Variants in AHCYL2 observed in about 807,000 individuals in gnomAD.
The protein encoded by AHCYL2 is S-adenosylhomocysteine hydrolase-like protein 2.
A neutral mutation model predicts 81.4 loss-of-function variants in AHCYL2; 28 were observed. The ratio of observed to expected loss-of-function variants is 0.34; its 90% CI spans 0.25 to 0.47. AHCYL2 has a LOEUF of 0.47. AHCYL2 is among the 20% of genes least tolerant of loss of function. The probability of loss-of-function intolerance (pLI) is 1.00; values close to 1 mark genes in which losing one functional copy is unlikely to be tolerated. For missense variants in AHCYL2, 551 were observed against 785.1 expected, an observed-to-expected ratio of 0.70 and a Z score of 3.56; for synonymous variants, 272 against 290.2, an observed-to-expected ratio of 0.94 and a Z score of 0.64.
chr7:129,289,789 C>CTT (rs550826156), intron 1 of AHCYL2, among the ~76,000 whole-genome samples: 109 of 145,802 alleles, frequency 7.5e-4, no homozygotes, highest in African/African-American at 2.5e-3. Context: ...TTCTTTCTTT[C>CTT]TTTTTTTTTT....
chr7:129,383,741 TGTTATTTTGAAACAC>T (rs1584860110), intron 2 of AHCYL2, among the ~76,000 whole-genome samples: 1 of 152,148 alleles, frequency 6.6e-6, no homozygotes, highest in Non-Finnish European at 1.5e-5. Flanking sequence ...AGCCTCCTAC[TGTTATTTTGAAACAC>T]GCCATGCACT....
intron 1 of AHCYL2, among the ~76,000 whole-genome samples, chr7:129,249,312 T>A (rs1295364228): frequency 6.6e-6 from 1 of 152,204 alleles, no homozygotes; most frequent in African/African-American, 2.4e-5. Flanking sequence ...TTAACCATTT[T>A]AAAGTGTACA....
At chr7:129,354,512 A>T (rs1182602378) in intron 1 of AHCYL2, among the ~76,000 whole-genome samples, 4 of 152,156 alleles carry the variant, frequency 2.6e-5, no homozygotes, top group African/African-American at 2.4e-5. Context: ...TGACCTGTGT[A>T]TCTGGGTTGT....
chr7:129,290,936 A>G (rs1796828415), intron 1 of AHCYL2, among the ~76,000 whole-genome samples: 1 of 151,968 alleles, frequency 6.6e-6, no homozygotes, highest in African/African-American at 2.4e-5. Flanking sequence ...TCTCAAAAAA[A>G]AAAAACAAAA....
chr7:129,307,677 C>G (rs1393322559), intron 1 of AHCYL2, among the ~76,000 whole-genome samples: 1 of 151,774 alleles, frequency 6.6e-6, no homozygotes, highest in Non-Finnish European at 1.5e-5. Context: ...CAGAAGGATT[C>G]TCTCCTCATA....
intron 1 of AHCYL2, among the ~76,000 whole-genome samples, chr7:129,322,147 TTTTGTTTG>T (rs760912107): frequency 6.6e-6 from 1 of 151,406 alleles, no homozygotes; most frequent in Non-Finnish European, 1.5e-5. Flanking sequence ...AGGTAAGGTT[TTTTGTTTG>T]TTTGTTTGTT....
chr7:129,255,461 A>C (rs973086100), intron 1 of AHCYL2, among the ~76,000 whole-genome samples: 4 of 152,232 alleles, frequency 2.6e-5, no homozygotes, highest in Non-Finnish European at 4.4e-5. Context: ...ACATTTCAAG[A>C]GTTCAACAGT....
intron 1 of AHCYL2, among the ~76,000 whole-genome samples, chr7:129,252,558 G>A (rs1795279248): frequency 6.6e-6 from 1 of 152,136 alleles, no homozygotes; most frequent in South Asian, 2.1e-4. Flanking sequence ...CTTGAGCACA[G>A]GAGTTTGAGA....
chr7:129,314,400 T>C (rs1428278215), intron 1 of AHCYL2, among the ~76,000 whole-genome samples: 1 of 152,236 alleles, frequency 6.6e-6, no homozygotes, highest in Admixed American at 6.5e-5. Flanking sequence ...GCCTAGCACA[T>C]TGTCTTAGCC....
intron 1 of AHCYL2, among the ~76,000 whole-genome samples, chr7:129,341,985 A>G (rs1793201748): frequency 6.6e-6 from 1 of 152,220 alleles, no homozygotes; most frequent in Admixed American, 6.5e-5. Context: ...ACCACTCAGA[A>G]GAATGGTTTA....
intron 1 of AHCYL2, among the ~76,000 whole-genome samples, chr7:129,310,535 A>G (rs1046122785): frequency 6.6e-5 from 10 of 152,294 alleles, no homozygotes; most frequent in African/African-American, 2.4e-4. Flanking sequence ...TCCAAAAAGA[A>G]GAGAGTTTTT....
chr7:129,412,626 A>G (rs947782253), intron 11 of AHCYL2, among the ~76,000 whole-genome samples: 1 of 152,094 alleles, frequency 6.6e-6, no homozygotes, highest in African/African-American at 2.4e-5. Context: ...TTTACAATCC[A>G]TCAACAATAC....
At chr7:129,290,758 A>G (rs990823953) in intron 1 of AHCYL2, among the ~76,000 whole-genome samples, 2 of 151,666 alleles carry the variant, frequency 1.3e-5, no homozygotes, top group Admixed American at 6.6e-5. Flanking sequence ...GTGAAACCCC[A>G]TCTCTACTAA....
intron 1 of AHCYL2, among the ~76,000 whole-genome samples, chr7:129,294,773 T>G (rs2150754817): frequency 6.6e-6 from 1 of 152,328 alleles, no homozygotes; most frequent in South Asian, 2.1e-4. Flanking sequence ...AGAAAAATCC[T>G]GGGACTATAA....
chr7:129,260,091 A>G (rs1348143061), intron 1 of AHCYL2, among the ~76,000 whole-genome samples: 2 of 151,856 alleles, frequency 1.3e-5, no homozygotes, highest in African/African-American at 2.4e-5. Context: ...AAAAAAAAAA[A>G]AAGCTGATAT....
intron 11 of AHCYL2, among the ~76,000 whole-genome samples, chr7:129,411,385 C>G (rs963559502): frequency 6.6e-6 from 1 of 152,136 alleles, no homozygotes; most frequent in African/African-American, 2.4e-5. Context: ...CACCATTTCC[C>G]TATTCTGGAC....
At chr7:129,321,189 A>G (rs187932726) in intron 1 of AHCYL2, among the ~76,000 whole-genome samples, 110 of 151,928 alleles carry the variant, frequency 7.2e-4, no homozygotes, top group African/African-American at 2.5e-3. Context: ...TATTGCACTG[A>G]TTAGAACTTG....
At chr7:129,230,442 C>A (rs1297572155) in intron 1 of AHCYL2, among the ~76,000 whole-genome samples, 1 of 152,084 alleles carries the variant, frequency 6.6e-6, no homozygotes, top group Non-Finnish European at 1.5e-5. Flanking sequence ...ATTGAAGAAA[C>A]TGAGTGTCGA....
At chr7:129,370,534 T>TA (rs1292029904) in intron 1 of AHCYL2, among the ~76,000 whole-genome samples, 1 of 151,508 alleles carries the variant, frequency 6.6e-6, no homozygotes, top group Admixed American at 6.6e-5. Flanking sequence ...CGGTCTCTAC[T>TA]AAAAATACAA....
Sources: allele counts gnomAD v4.1 joint callset (sites outside exome capture counted in the v4.1 genomes callset), GRCh38; gene constraint gnomAD v4.1.1; transcripts MANE v1.5; gene names NCBI Gene and HGNC (gene_info 2026-07-23, HGNC 2026-07-21).